Variants in SLC25A30 observed in about 807,000 individuals in gnomAD.
SLC25A30 encodes solute carrier family 25 member 30, also known as kidney mitochondrial carrier protein 1.
SLC25A30 carries 29 observed loss-of-function variants against 42.7 expected under a neutral mutation model. The observed-to-expected ratio is 0.68, with a 90% CI of 0.51 to 0.93. The LOEUF (loss-of-function observed/expected upper bound fraction) is 0.93. Among genes scored for constraint, SLC25A30 ranks in the 40% least tolerant of loss-of-function variants. The pLI is 0.00. For missense variants in SLC25A30, 300 were observed against 359.7 expected, an observed-to-expected ratio of 0.83 and a Z score of 1.34; for synonymous variants, 124 against 131.0, an observed-to-expected ratio of 0.95 and a Z score of 0.37.
intron 3 of SLC25A30, among the ~76,000 whole-genome samples, chr13:45,406,838 CTTCTT>C (rs1566208277): frequency 6.6e-6 from 1 of 152,352 alleles, no homozygotes; most frequent in South Asian, 2.1e-4. Flanking sequence ...CCCCCTCTGA[CTTCTT>C]TTCTTTTCTC....
At chr13:45,396,179 A>G (rs1881300117) in intron 9 of SLC25A30, 164 bp from the exon 10 acceptor site, 2 of 1,498,002 alleles carry the variant, frequency 1.3e-6, no homozygotes, top group South Asian at 1.3e-5. Flanking sequence ...ACATCAAACT[A>G]TCTTCCAAGG....
chr13:45,406,013 T>TA (rs1217934733), intron 3 of SLC25A30, 36 bp from the exon 4 acceptor site: 1 of 1,598,474 alleles, frequency 6.3e-7, no homozygotes, highest in Non-Finnish European at 8.6e-7. Context: ...AAAAGCAATC[T>TA]AAAAATCACT....
upstream of SLC25A30, among the ~76,000 whole-genome samples, chr13:45,419,728 G>A (rs1205662966): frequency 2.0e-5 from 3 of 150,076 alleles, no homozygotes; most frequent in Non-Finnish European, 4.4e-5. Flanking sequence ...TCGGGAGTTC[G>A]AGACCAGCCT....
In SLC25A30 at chr13:45,395,916, G is replaced by A; in HGVS notation, c.*58C>T. On this transcript the variant is annotated 3_prime_UTR_variant, in exon 10 of 10. Coordinates refer to ENST00000519676, the MANE Select transcript of SLC25A30 (RefSeq NM_001010875.4). ...TGAGAAGCAGAGTGAAACACAGGAA[G>A]CTTTGCTGTTTCAGAAGTTACCATT... The A allele has an allele frequency of 6.2e-7, 1 of 1,613,982 alleles. No individual in the cohort carries two copies. Among genetic ancestry groups the A allele is most frequent in the Non-Finnish European group, 8.5e-7 (1 of 1,179,982 alleles).
At position 45,393,879 on chromosome 13, in the gene SLC25A30, T is replaced by A; in HGVS notation, c.*2095A>T. On this transcript the variant is annotated 3_prime_UTR_variant, in exon 10 of 10. Transcript: ENST00000519676. ...GGTAGGAACATGTATGTAATTTGAA[T>A]AAACTGGTAATAATACTGTCTGACA... The A allele has an allele frequency of 1.0e-6, 1 of 985,446 alleles. No individual in the cohort carries two copies. The highest frequency in any genetic ancestry group is 1.2e-6 in the Non-Finnish European group (1 of 829,916). 61.0% of individuals were successfully genotyped at this position (985,446 alleles called of 1,614,324 possible).
At chr13:45,425,596 AC>A in the SLC25A30 span, among the ~76,000 whole-genome samples, 21 of 46,848 alleles carry the variant, frequency 4.5e-4, no homozygotes, top group African/African-American at 1.4e-3. Context: ...ATATATATAT[AC>A]ATATATATAT....
chr13:45,409,063 T>C lies in SLC25A30; in HGVS notation c.76A>G (p.Ile26Val), dbSNP rs1331422181. The C allele has an allele frequency of 6.9e-6, 11 of 1,605,582 alleles. No homozygotes were observed. Among genetic ancestry groups the C allele is most frequent in the Admixed American group, 3.5e-5 (2 of 57,688 alleles). The change falls in exon 3 of 10, where the codon ATT becomes GTT. Residue 26 changes from isoleucine (I) to valine (V), a missense_variant. Transcript: ENST00000519676. ...SITAECGTFP[I>V]DLTKTRLQIQ... ...TGGAGCCGTGTCTTGGTTAAATCAA[T>C]TGGAAATGTACCTTAAAATTTAAAA... is the stretch of plus-strand genomic sequence containing the variant.
Position 45,395,578 on chromosome 13 carries a change from C to T in SLC25A30, c.*396G>A. ...ATAACACCTTCTCGGAGGCTCCATTCCATGGTTCCAGTGAGCTTTTCTAGA... is the reference window on the plus strand; with the variant it reads ...ATAACACCTTCTCGGAGGCTCCATTTCATGGTTCCAGTGAGCTTTTCTAGA... On this transcript the variant is annotated 3_prime_UTR_variant, in exon 10 of 10. Coordinates refer to ENST00000519676, the MANE Select transcript of SLC25A30 (RefSeq NM_001010875.4). 9.2e-7 allele frequency: 1 copy of T among 1,085,900 alleles called. No homozygotes were observed. Among genetic ancestry groups the T allele is most frequent in the Non-Finnish European group, 1.1e-6 (1 of 888,866 alleles). The allele number at this position is 1,085,900 out of a possible 1,614,324, so 67.3% of individuals were successfully genotyped here.
Position 45,399,096 on chromosome 13 carries a change from GAAAA to G in SLC25A30, c.615-22_615-19del, listed in dbSNP as rs11330086. On this transcript the variant is annotated intron_variant, in intron 7 of 9. Transcript: ENST00000519676. Reference sequence around the variant, plus strand: ...AGCTTGAGCTATAAAGACACCATTGGAAAAAAAAAAAAAAGTTAACCATCACTGA... The same window carrying G: ...AGCTTGAGCTATAAAGACACCATTGGAAAAAAAAAAGTTAACCATCACTGA... 5 of 1,303,526 alleles carry G rather than the reference GAAAA, an allele frequency of 3.8e-6. No homozygotes were observed. Among genetic ancestry groups the G allele is most frequent in the Admixed American group, 2.7e-5 (1 of 37,378 alleles). 80.7% of individuals were successfully genotyped at this position (1,303,526 alleles called of 1,614,324 possible). A position where few individuals can be genotyped will look rare whatever the true frequency, so the allele number is the denominator to read the frequency against.
intron 1 of SLC25A30, 71 bp from the exon 2 acceptor site, chr13:45,411,551 C>T: frequency 1.0e-6 from 1 of 981,260 alleles, no homozygotes; most frequent in Non-Finnish European, 1.6e-6. Context: ...AAACTCTTCC[C>T]CTAGGTTTTA....
At chr13:45,419,758 C>A (rs1203117724), upstream of SLC25A30, among the ~76,000 whole-genome samples, 2 of 151,362 alleles carry the variant, frequency 1.3e-5, no homozygotes, top group Non-Finnish European at 2.9e-5. Flanking sequence ...GGAGAAAACC[C>A]ATCTCTACTA....
At position 45,394,913 on chromosome 13, in the gene SLC25A30, T is replaced by C. The variant is rs1020802762; in HGVS notation, c.*1061A>G. Reference sequence around the variant, plus strand: ...ACTGGAAACCTGGAAAAATCAACTCTTTGATTCACTACCAACATTTTGCTA... The same window carrying C: ...ACTGGAAACCTGGAAAAATCAACTCCTTGATTCACTACCAACATTTTGCTA... On this transcript the variant is annotated 3_prime_UTR_variant, in exon 10 of 10. Transcript: ENST00000519676. The C allele has an allele frequency of 3.0e-6, 3 of 985,388 alleles. No individual in the cohort carries two copies. Among genetic ancestry groups the C allele is most frequent in the Non-Finnish European group, 3.6e-6 (3 of 829,892 alleles). 61.0% of individuals were successfully genotyped at this position (985,388 alleles called of 1,614,324 possible). A position where few individuals can be genotyped will look rare whatever the true frequency, so the allele number is the denominator to read the frequency against.
At chr13:45,423,848 A>G in the SLC25A30 span, among the ~76,000 whole-genome samples, 2 of 73,544 alleles carry the variant, frequency 2.7e-5, no homozygotes, top group South Asian at 4.2e-4. Flanking sequence ...ATAAATATGT[A>G]AATATATATA....
intron 1 of SLC25A30, among the ~76,000 whole-genome samples, chr13:45,415,751 CAAAA>C (rs367807886): frequency 1.2e-5 from 1 of 86,118 alleles, no homozygotes; most frequent in African/African-American, 5.0e-5. Context: ...GACTCCATCA[CAAAA>C]AAAAAAAAAA....
chr13:45,401,385 G>C (rs1881967970), intron 6 of SLC25A30, among the ~76,000 whole-genome samples, 178 bp from the exon 7 acceptor site: 1 of 152,206 alleles, frequency 6.6e-6, no homozygotes, highest in African/African-American at 2.4e-5. Context: ...CAAAAACTCT[G>C]AAGTCTAATT....
At chr13:45,415,329 A>G (rs1374401537) in intron 1 of SLC25A30, among the ~76,000 whole-genome samples, 1 of 152,186 alleles carries the variant, frequency 6.6e-6, no homozygotes, top group African/African-American at 2.4e-5. Flanking sequence ...TCTAGATAGT[A>G]CTTTGCAGAC....
the SLC25A30 span, among the ~76,000 whole-genome samples, chr13:45,427,303 A>G: frequency 6.6e-6 from 1 of 152,068 alleles, no homozygotes; most frequent in East Asian, 1.9e-4. Flanking sequence ...TGTCTGCCTA[A>G]AGTCTGGATC....
upstream of SLC25A30, among the ~76,000 whole-genome samples, chr13:45,421,103 G>A (rs968598439): frequency 6.6e-6 from 1 of 152,010 alleles, no homozygotes; most frequent in African/African-American, 2.4e-5. Context: ...AAAAGGCCAG[G>A]CGTGGTGGCT....
Position 45,411,357 on chromosome 13 carries a change from C to T in SLC25A30, c.64+5G>A. On this transcript the variant is annotated splice_donor_5th_base_variant and intron_variant, in intron 2 of 9. Coordinates refer to ENST00000519676, the MANE Select transcript of SLC25A30 (RefSeq NM_001010875.4). ...CTACGTGATCCACCACCCTCAGGTC[C>T]TTACCGCACTCAGCAGTGATGGAGG... 1 of 1,612,226 alleles carries T rather than the reference C, an allele frequency of 6.2e-7. No individual in the cohort carries two copies. The highest frequency in any genetic ancestry group is 1.1e-5 in the South Asian group (1 of 91,046).
Sources: allele counts gnomAD v4.1 joint callset (sites outside exome capture counted in the v4.1 genomes callset), GRCh38; gene constraint gnomAD v4.1.1; transcripts MANE v1.5; gene names NCBI Gene and HGNC (gene_info 2026-07-23, HGNC 2026-07-21).